GPR149: variants seen among roughly 807,000 people sequenced by gnomAD.
GPR149 encodes probable G protein-coupled receptor 149.
In GPR149, 50 loss-of-function variants were observed where a neutral mutation model predicts 50.2. The observed-to-expected ratio is 1.00, with a 90% CI of 0.79 to 1.26. The LOEUF is 1.26. Among genes scored for constraint, GPR149 ranks in the 50% most tolerant of loss-of-function variants. The pLI, the probability that GPR149 is intolerant of heterozygous loss-of-function variation, is 0.00. For missense variants in GPR149, 983 were observed against 895.4 expected, an observed-to-expected ratio of 1.10 and a Z score of -1.25; for synonymous variants, 405 against 358.2, an observed-to-expected ratio of 1.13 and a Z score of -1.48.
At chr3:154,363,366 G>T (rs1275903397) in intron 3 of GPR149, among the ~76,000 whole-genome samples, 1 of 151,874 alleles carries the variant, frequency 6.6e-6, no homozygotes, top group Non-Finnish European at 1.5e-5. Flanking sequence ...TGGCCTCCTG[G>T]TTCTGGAGGC....
Position 154,429,050 on chromosome 3 carries a change from G to A in GPR149, c.566C>T (p.Ser189Phe). 1 of 1,614,002 alleles carries A rather than the reference G, an allele frequency of 6.2e-7. No individual in the cohort carries two copies. Among genetic ancestry groups the A allele is most frequent in the Non-Finnish European group, 8.5e-7 (1 of 1,180,028 alleles). Residue 189 changes from serine (S) to phenylalanine (F), a missense_variant, in exon 1 of 4, where the codon TCC becomes TTC. Ser to Phe is a radical substitution (Grantham distance 155, BLOSUM62 -2). Coordinates refer to ENST00000389740, the MANE Select transcript of GPR149 (RefSeq NM_001038705.3). The stretch of plus-strand genomic sequence containing the variant: ...CACGATAGAGAGGAATAGTACGTAG[G>A]AGCTGGAGCAGTCCACCAGGCAGCC... ...PWGCLVDCSSSYVLFLSIVYA... is the reference protein window; with the variant it reads ...PWGCLVDCSSFYVLFLSIVYA...
chr3:154,421,193 T>A lies in GPR149; in HGVS notation c.1469A>T (p.Asp490Val), dbSNP rs1559991121. Residue 490 changes from aspartate (D) to valine (V), a missense_variant, in exon 3 of 4, where the codon GAT becomes GTT. By Grantham distance (152) the Asp-to-Val change is radical (BLOSUM62 -3). Coordinates refer to ENST00000389740, the MANE Select transcript of GPR149 (RefSeq NM_001038705.3). The stretch of plus-strand genomic sequence containing the variant: ...ACCTCCTGTTTTGTCAGAAAACGCA[T>A]CCTTTTTGTTGTTGGAATCCTGTTT... ...EAKQDSNNKK[D>V]AFSDKTGGDI... The A allele has an allele frequency of 6.2e-7, 1 of 1,613,546 alleles. No homozygotes were observed. The highest frequency in any genetic ancestry group is 1.1e-5 in the South Asian group (1 of 91,066).
At chr3:154,350,187 C>A (rs1483684281) in intron 3 of GPR149, among the ~76,000 whole-genome samples, 1 of 151,802 alleles carries the variant, frequency 6.6e-6, no homozygotes, top group Non-Finnish European at 1.5e-5. Context: ...CAGAGTGAAA[C>A]CCTGTCTCAA....
chr3:154,374,043 T>A (rs1336734373), intron 3 of GPR149, among the ~76,000 whole-genome samples: 4 of 152,192 alleles, frequency 2.6e-5, no homozygotes, highest in Non-Finnish European at 5.9e-5. Flanking sequence ...TTTTGGGTGC[T>A]TAGAGTTTGT....
chr3:154,421,585 G>A, intron 2 of GPR149, 98 bp from the exon 3 acceptor site: 1 of 589,168 alleles, frequency 1.7e-6, no homozygotes. Context: ...CATTCAACTT[G>A]ATTATTATAC....
intron 3 of GPR149, among the ~76,000 whole-genome samples, chr3:154,378,730 C>T (rs758763658): frequency 6.6e-6 from 1 of 152,170 alleles, no homozygotes; most frequent in Non-Finnish European, 1.5e-5. Flanking sequence ...ACACTTATTG[C>T]TGTACCTTTT....
At chr3:154,415,743 G>A (rs1295879850) in intron 3 of GPR149, among the ~76,000 whole-genome samples, 1 of 151,710 alleles carries the variant, frequency 6.6e-6, no homozygotes, top group Non-Finnish European at 1.5e-5. Context: ...TTGCTTATCG[G>A]CAATTTCTAG....
intron 3 of GPR149, among the ~76,000 whole-genome samples, chr3:154,355,636 A>G (rs1244262426): frequency 6.6e-6 from 1 of 152,220 alleles, no homozygotes; most frequent in Non-Finnish European, 1.5e-5. Context: ...AACTAGCTTG[A>G]AAGAAAGCAT....
intron 3 of GPR149, among the ~76,000 whole-genome samples, chr3:154,368,174 GC>G (rs1230347751): frequency 1.3e-5 from 2 of 152,206 alleles, no homozygotes; most frequent in African/African-American, 4.8e-5. Flanking sequence ...GGCTCCCCCT[GC>G]AAGGGTTACT....
intron 3 of GPR149, among the ~76,000 whole-genome samples, chr3:154,370,497 C>T (rs530063030): frequency 1.3e-5 from 2 of 152,260 alleles, no homozygotes; most frequent in Admixed American, 6.5e-5. Context: ...AACAAACTGT[C>T]CCCTCGCCCA....
intron 3 of GPR149, among the ~76,000 whole-genome samples, chr3:154,415,148 C>A (rs982853853): frequency 2.0e-5 from 3 of 151,338 alleles, no homozygotes; most frequent in African/African-American, 7.3e-5. Flanking sequence ...TAGAGAGTAA[C>A]CAAGAAGAGA....
chr3:154,380,982 G>A (rs1714909794), intron 3 of GPR149, among the ~76,000 whole-genome samples: 1 of 152,070 alleles, frequency 6.6e-6, no homozygotes, highest in Non-Finnish European at 1.5e-5. Context: ...AGAATCTCTT[G>A]GAGAAAATTT....
intron 3 of GPR149, among the ~76,000 whole-genome samples, chr3:154,420,516 T>C (rs1018811084): frequency 2.0e-5 from 3 of 151,996 alleles, no homozygotes; most frequent in African/African-American, 7.2e-5. Flanking sequence ...ATGTATTCTG[T>C]AATATTTTTT....
chr3:154,371,365 A>G (rs546998148), intron 3 of GPR149, among the ~76,000 whole-genome samples: 1 of 152,194 alleles, frequency 6.6e-6, no homozygotes, highest in African/African-American at 2.4e-5. Context: ...AGCACCTCCC[A>G]TGTCCATATA....
At chr3:154,417,106 G>A (rs1460653229) in intron 3 of GPR149, among the ~76,000 whole-genome samples, 2 of 151,802 alleles carry the variant, frequency 1.3e-5, no homozygotes, top group Non-Finnish European at 2.9e-5. Context: ...CAAAATGTGG[G>A]GTTCTAGAAA....
At chr3:154,358,769 G>C (rs1262125746) in intron 3 of GPR149, among the ~76,000 whole-genome samples, 1 of 152,020 alleles carries the variant, frequency 6.6e-6, no homozygotes, top group African/African-American at 2.4e-5. Flanking sequence ...TCTTTCAATA[G>C]GAAACACTTA....
intron 3 of GPR149, among the ~76,000 whole-genome samples, chr3:154,368,364 C>G (rs895794600): frequency 1.1e-4 from 16 of 152,180 alleles, no homozygotes; most frequent in African/African-American, 2.9e-4. Flanking sequence ...TGGTACCTTC[C>G]AGGGTTTAGG....
At chr3:154,421,921 T>C (rs1301273845) in intron 2 of GPR149, among the ~76,000 whole-genome samples, 1 of 151,792 alleles carries the variant, frequency 6.6e-6, no homozygotes, top group Non-Finnish European at 1.5e-5. Context: ...TAATATTATG[T>C]GAGTTATTCA....
Position 154,337,758 on chromosome 3 carries a change from C to T in GPR149, c.2137G>A (p.Glu713Lys). ...TAAGCTTTATTTAACAACTGGATTTCCTCCTGGTAGCCATCCCTCTCTTGA... is the reference window on the plus strand; with the variant it reads ...TAAGCTTTATTTAACAACTGGATTTTCTCCTGGTAGCCATCCCTCTCTTGA... ...QHQERDGYQE[E>K]IQLLNKAYRK... Residue 713 changes from glutamate to lysine, a missense_variant, in exon 4 of 4, where the codon GAA becomes AAA. By Grantham distance (56) the Glu-to-Lys change is moderately conservative (BLOSUM62 1). Coordinates refer to ENST00000389740, the MANE Select transcript of GPR149 (RefSeq NM_001038705.3). 6.2e-7 allele frequency: 1 copy of T among 1,612,760 alleles called. No homozygotes were observed. Among genetic ancestry groups the T allele is most frequent in the Non-Finnish European group, 8.5e-7 (1 of 1,179,502 alleles).
Sources: allele counts gnomAD v4.1 joint callset (sites outside exome capture counted in the v4.1 genomes callset), GRCh38; gene constraint gnomAD v4.1.1; transcripts MANE v1.5; gene names NCBI Gene and HGNC (gene_info 2026-07-23, HGNC 2026-07-21).